The following FBXL7 variants were observed in gnomAD, a reference collection of about 807,000 sequenced individuals.
FBXL7 encodes the protein F-box and leucine rich repeat protein 7.
Under a neutral mutation model 38.3 loss-of-function variants are expected in FBXL7, and 12 were observed. The observed-to-expected ratio is 0.31, with a 90% CI of 0.20 to 0.51. The LOEUF (loss-of-function observed/expected upper bound fraction) is 0.51. FBXL7 is among the 20% of genes least tolerant of loss of function. FBXL7 has a pLI of 0.98. For missense variants in FBXL7, 567 were observed against 676.4 expected (o/e 0.84, Z 1.79); for synonymous variants, 297 against 300.9 (o/e 0.99, Z 0.13).
At chr5:15,717,222 T>G (rs1464144741) in intron 2 of FBXL7, among the ~76,000 whole-genome samples, 3 of 152,278 alleles carry the variant, frequency 2.0e-5, no homozygotes, top group African/African-American at 7.2e-5. Context: ...TAGCACTTGA[T>G]CCAGAGAGGT....
At chr5:15,537,433 C>T (rs1438003957) in intron 1 of FBXL7, among the ~76,000 whole-genome samples, 1 of 151,928 alleles carries the variant, frequency 6.6e-6, no homozygotes, top group Non-Finnish European at 1.5e-5. Flanking sequence ...TTATATAAAC[C>T]CTTAAACCAT....
At chr5:15,607,021 C>T (rs1162067241) in intron 1 of FBXL7, 1 of 152,158 alleles carries the variant, frequency 6.6e-6, no homozygotes, top group Admixed American at 6.5e-5. Context: ...GCTGTAGGGA[C>T]AGACATTGAA....
rs114620391 is a variant in FBXL7, at chr5:15,809,769, G to A, written c.128-118121G>A. Among the ~76,000 whole-genome samples, 897 of 152,300 alleles carry A rather than the reference G, an allele frequency of 5.9e-3. 8 individuals are homozygous for A. Among genetic ancestry groups the A allele is most frequent in the African/African-American group, 0.02 (849 of 41,564 alleles). ...GAACTCTGAGGCACTAAGCTAAATG[G>A]AAGGACAAAAGATGAGAAAAGACAA... On this transcript the variant is annotated intron_variant, in intron 2 of 3. Transcript: ENST00000504595.
chr5:15,541,389 C>T (rs1292879905), intron 1 of FBXL7, among the ~76,000 whole-genome samples: 2 of 136,974 alleles, frequency 1.5e-5, no homozygotes, highest in South Asian at 2.3e-4. Flanking sequence ...TATACACACA[C>T]ATATATCCAT....
chr5:15,557,506 G>GGCTAA (rs1738282842), intron 1 of FBXL7, among the ~76,000 whole-genome samples: 1 of 152,182 alleles, frequency 6.6e-6, no homozygotes, highest in African/African-American at 2.4e-5. Flanking sequence ...AAAGTAAGAT[G>GGCTAA]TGTAAGGCTA....
chr5:15,701,202 C>G (rs1044527164), intron 2 of FBXL7, among the ~76,000 whole-genome samples: 1 of 152,168 alleles, frequency 6.6e-6, no homozygotes, highest in Non-Finnish European at 1.5e-5. Flanking sequence ...CTAGGAGTCA[C>G]GTAGCTCTTG....
chr5:15,528,539 A>T (rs1158226128), intron 1 of FBXL7, among the ~76,000 whole-genome samples: 18 of 152,228 alleles, frequency 1.2e-4, no homozygotes, highest in Non-Finnish European at 1.6e-4. Context: ...ACATGGTGGC[A>T]GGCAAAAGAG....
intron 2 of FBXL7, among the ~76,000 whole-genome samples, chr5:15,706,283 G>A (rs895300378): frequency 6.6e-6 from 1 of 152,104 alleles, no homozygotes; most frequent in Non-Finnish European, 1.5e-5. Context: ...TTATTTAAAA[G>A]TGTGTGGCAC....
chr5:15,935,461 C>T (rs1251959791), intron 3 of FBXL7, among the ~76,000 whole-genome samples: 14 of 115,290 alleles, frequency 1.2e-4, no homozygotes, highest in African/African-American at 5.0e-4. Flanking sequence ...TGTGGGGAAT[C>T]GACTGTAGGA....
At chr5:15,901,144 G>C (rs1474625378) in intron 2 of FBXL7, among the ~76,000 whole-genome samples, 1 of 152,174 alleles carries the variant, frequency 6.6e-6, no homozygotes, top group Admixed American at 6.5e-5. Flanking sequence ...GTCTTATTCT[G>C]TTCAGGATGC....
At chr5:15,518,211 G>A (rs1372131955) in intron 1 of FBXL7, among the ~76,000 whole-genome samples, 4 of 151,960 alleles carry the variant, frequency 2.6e-5, no homozygotes, top group Non-Finnish European at 5.9e-5. Context: ...GGCTAGTCTC[G>A]AACTCTTGAC....
At chr5:15,839,634 ATTTG>A (rs1470845426) in intron 2 of FBXL7, among the ~76,000 whole-genome samples, 2 of 152,118 alleles carry the variant, frequency 1.3e-5, no homozygotes, top group African/African-American at 4.8e-5. Flanking sequence ...TGTTGTTGAT[ATTTG>A]TTCTCTTTTA....
At chr5:15,812,226 C>T (rs1737884200) in intron 2 of FBXL7, among the ~76,000 whole-genome samples, 1 of 152,064 alleles carries the variant, frequency 6.6e-6, no homozygotes, top group Non-Finnish European at 1.5e-5. Flanking sequence ...TCTCAGCAAA[C>T]TAACATAGGA....
At chr5:15,879,104 A>C (rs1291665259) in intron 2 of FBXL7, among the ~76,000 whole-genome samples, 3 of 152,186 alleles carry the variant, frequency 2.0e-5, no homozygotes, top group East Asian at 1.9e-4. Flanking sequence ...TTGATGATGA[A>C]AGCTAGTGCA....
At chr5:15,799,139 T>C (rs1737492221) in intron 2 of FBXL7, among the ~76,000 whole-genome samples, 1 of 152,136 alleles carries the variant, frequency 6.6e-6, no homozygotes, top group Non-Finnish European at 1.5e-5. Flanking sequence ...GCTCTCAGTG[T>C]AATTGAGGAA....
At chr5:15,891,775 G>A (rs950624647) in intron 2 of FBXL7, among the ~76,000 whole-genome samples, 1 of 152,206 alleles carries the variant, frequency 6.6e-6, no homozygotes, top group Non-Finnish European at 1.5e-5. Context: ...ACTGAATAAA[G>A]GTGCTATTTA....
intron 2 of FBXL7, among the ~76,000 whole-genome samples, chr5:15,738,936 G>T (rs1735826008): frequency 6.6e-6 from 1 of 152,210 alleles, no homozygotes; most frequent in Non-Finnish European, 1.5e-5. Flanking sequence ...ACATCTGAAA[G>T]CAACACCACA....
intron 2 of FBXL7, among the ~76,000 whole-genome samples, chr5:15,793,364 T>A (rs1024495460): frequency 1.3e-5 from 2 of 152,150 alleles, no homozygotes; most frequent in African/African-American, 4.8e-5. Context: ...CTGCAGGAGT[T>A]CCTGGCTGGA....
At chr5:15,809,524 T>A (rs115465959) in intron 2 of FBXL7, among the ~76,000 whole-genome samples, 3 of 152,196 alleles carry the variant, frequency 2.0e-5, no homozygotes, top group African/African-American at 7.2e-5. Context: ...GAGCCTAATA[T>A]AGAGTGGACA....
Sources: allele counts gnomAD v4.1 joint callset (sites outside exome capture counted in the v4.1 genomes callset), GRCh38; gene constraint gnomAD v4.1.1; transcripts MANE v1.5; gene names NCBI Gene and HGNC (gene_info 2026-07-23, HGNC 2026-07-21).